The following SMARCA4 variants were observed in gnomAD, a reference collection of about 807,000 sequenced individuals.
SMARCA4 encodes the protein SWI/SNF-related matrix-associated actin-dependent regulator of chromatin subfamily A member 4.
SMARCA4 carries 31 observed loss-of-function variants against 193.9 expected under a neutral mutation model. The ratio of observed to expected loss-of-function variants is 0.16; its 90% CI spans 0.12 to 0.22. The LOEUF (loss-of-function observed/expected upper bound fraction) is 0.22. SMARCA4 is among the 10% of genes least tolerant of loss of function. The pLI, the probability that SMARCA4 is intolerant of heterozygous loss-of-function variation, is 1.00. For synonymous variants in SMARCA4, 942 were observed against 933.1 expected (o/e 1.01, Z -0.17); for missense variants, 1,148 against 2,296.0 (o/e 0.50, Z 10.22).
At chr19:10,967,660 A>C (rs2084330731) in intron 1 of SMARCA4, among the ~76,000 whole-genome samples, 1 of 147,978 alleles carries the variant, frequency 6.8e-6, no homozygotes, top group African/African-American at 2.5e-5. Context: ...GGTGGAAACC[A>C]ACCCTGGCCC....
At chr19:10,970,927 G>A (rs1599825755) in intron 1 of SMARCA4, among the ~76,000 whole-genome samples, 2 of 152,272 alleles carry the variant, frequency 1.3e-5, no homozygotes, top group African/African-American at 2.4e-5. Flanking sequence ...GGCCAGGCAC[G>A]GTGGCTCACG....
At chr19:10,993,186 C>G (rs1300863743) in intron 8 of SMARCA4, among the ~76,000 whole-genome samples, 2 of 151,256 alleles carry the variant, frequency 1.3e-5, no homozygotes, top group Non-Finnish European at 2.9e-5. Context: ...GGGATTCACC[C>G]TGTTGGCCAG....
At chr19:11,027,287 G>A (rs775628928) in intron 23 of SMARCA4, among the ~76,000 whole-genome samples, 5 of 152,144 alleles carry the variant, frequency 3.3e-5, no homozygotes, top group African/African-American at 1.2e-4. Flanking sequence ...GCCATATCAC[G>A]TCGTCCCCCT....
At chr19:11,057,977 C>G (rs1411905680) in intron 30 of SMARCA4, among the ~76,000 whole-genome samples, 1 of 151,680 alleles carries the variant, frequency 6.6e-6, no homozygotes, top group Non-Finnish European at 1.5e-5. Context: ...TGGTGCACGA[C>G]TGTAAAAAAT....
intron 30 of SMARCA4, among the ~76,000 whole-genome samples, chr19:11,052,616 A>G (rs1406769942): frequency 6.6e-6 from 1 of 152,220 alleles, no homozygotes; most frequent in African/African-American, 2.4e-5. Flanking sequence ...CTGCCTCTTC[A>G]GAAAGGACTT....
intron 30 of SMARCA4, among the ~76,000 whole-genome samples, chr19:11,044,124 A>AG (rs2075768525): frequency 6.6e-6 from 1 of 152,220 alleles, no homozygotes; most frequent in Non-Finnish European, 1.5e-5. Context: ...CAGTGGGGAA[A>AG]GCACGGGTGT....
chr19:10,974,566 T>G (rs2145577876), intron 1 of SMARCA4, among the ~76,000 whole-genome samples: 1 of 147,694 alleles, frequency 6.8e-6, no homozygotes, highest in South Asian at 2.1e-4. Context: ...ATGGAAAGGG[T>G]AAGTTCCTCA....
chr19:10,992,612 G>T (rs1198382431), intron 8 of SMARCA4, among the ~76,000 whole-genome samples: 1 of 151,652 alleles, frequency 6.6e-6, no homozygotes, highest in East Asian at 1.9e-4. Flanking sequence ...TTTTGAGACA[G>T]AGTTTCACTC....
At chr19:11,061,486 C>T (rs2076893469) in intron 34 of SMARCA4, among the ~76,000 whole-genome samples, 1 of 152,068 alleles carries the variant, frequency 6.6e-6, no homozygotes, top group African/African-American at 2.4e-5. Context: ...CGCCATTCTC[C>T]TGCCTCAGCC....
rs776533486 is a variant in SMARCA4, at chr19:11,030,584, G to T, written c.3383-146G>T. 1.4e-6 allele frequency: 1 copy of T among 713,756 alleles called. No individual in the cohort carries two copies. The highest frequency in any genetic ancestry group is 2.4e-6 in the Non-Finnish European group (1 of 409,848). 44.2% of individuals were successfully genotyped at this position (713,756 alleles called of 1,614,324 possible). A position where few individuals can be genotyped will look rare whatever the true frequency, so the allele number is the denominator to read the frequency against. On this transcript the variant is annotated intron_variant, in intron 24 of 34. Coordinates refer to ENST00000344626, the MANE Select transcript of SMARCA4 (RefSeq NM_003072.5). The surrounding 1 kb of genome is among the most constrained non-coding windows in gnomAD (Gnocchi z 5.5). ...CCAGTTATTCGCCAGTGGCCCACAG[G>T]CCCGTGTGGAGAGTGCGGAGCCAGG...
rs1016614250 is a variant in SMARCA4 at position 11,004,998 on chromosome 19, A to T, written c.2001+1601A>T. ...AGGTGCATGCCACCAAACCCGGCTA[A>T]TTTTTTTTTGTATTTTTAGTAGAGA... On this transcript the variant is annotated intron_variant, in intron 13 of 34. Coordinates refer to ENST00000344626, the MANE Select transcript of SMARCA4 (RefSeq NM_003072.5). 5.3e-5 allele frequency among the ~76,000 whole-genome samples: 8 copies of T among 150,838 alleles called. No homozygotes were observed. In the South Asian group the frequency reaches 1.7e-3, roughly 32 times the overall value.
Position 10,984,115 on chromosome 19 carries a change from T to C in SMARCA4, c.-31-6T>C, listed in dbSNP as rs1599927664. ...GAACCCCAGACTGACCAGGACTGTCTTCCAGCAGGAGGCCACTGTCTGCAG... is the reference window on the plus strand; with the variant it reads ...GAACCCCAGACTGACCAGGACTGTCCTCCAGCAGGAGGCCACTGTCTGCAG... On this transcript the variant is annotated splice_region_variant and splice_polypyrimidine_tract_variant and intron_variant, in intron 1 of 34. Transcript: ENST00000344626. The surrounding 1 kb of genome is among the most constrained non-coding windows in gnomAD (Gnocchi z 4.3). 5.6e-6 allele frequency: 9 copies of C among 1,613,142 alleles called. No homozygotes were observed. The highest frequency in any genetic ancestry group is 5.9e-6 in the Non-Finnish European group (7 of 1,179,744).
chr19:10,992,870 C>T (rs1049456154), intron 8 of SMARCA4, among the ~76,000 whole-genome samples: 3 of 151,858 alleles, frequency 2.0e-5, no homozygotes, highest in East Asian at 1.9e-4. Context: ...GGATTACAGA[C>T]GTGAGCCACT....
intron 15 of SMARCA4, 69 bp downstream of exon 15, chr19:11,010,600 G>T (rs900935615): frequency 6.7e-7 from 1 of 1,488,514 alleles, no homozygotes; most frequent in Non-Finnish European, 9.3e-7. Context: ...GGTGGTGCGG[G>T]CTTCAGACCT....
Position 11,019,479 on chromosome 19 carries a change from G to A in SMARCA4, c.2506-112G>A, listed in dbSNP as rs913935513. ...GCCCCTTTCCCCACTACCCCTGTGA[G>A]GACGAGCCCTCCCGCCGTGTCACTG... On this transcript the variant is annotated intron_variant, in intron 17 of 34. Transcript: ENST00000344626. The surrounding 1 kb of genome is among the most constrained non-coding windows in gnomAD (Gnocchi z 6.1). The A allele has an allele frequency of 1.4e-6, 1 of 717,588 alleles. No homozygotes were observed. The highest frequency in any genetic ancestry group is 2.5e-6 in the Non-Finnish European group (1 of 399,900). The allele number at this position is 717,588 out of a possible 1,614,324, so 44.5% of individuals were successfully genotyped here. A position where few individuals can be genotyped will look rare whatever the true frequency, so the allele number is the denominator to read the frequency against.
At chr19:11,045,103 G>A (rs1412887432) in intron 30 of SMARCA4, among the ~76,000 whole-genome samples, 1 of 151,984 alleles carries the variant, frequency 6.6e-6, no homozygotes, top group African/African-American at 2.4e-5. Context: ...GGCGGATCAC[G>A]AGGTCAGGAG....
intron 30 of SMARCA4, among the ~76,000 whole-genome samples, chr19:11,053,403 G>T (rs1328042935): frequency 1.4e-5 from 2 of 142,582 alleles, no homozygotes; most frequent in East Asian, 4.1e-4. Context: ...AGTAAGCCAA[G>T]ATTGCACCAC....
At position 11,061,825 on chromosome 19, in the gene SMARCA4, A is replaced by G. The variant is rs369766168; in HGVS notation, c.*9A>G. 14 of 1,613,800 alleles carry G rather than the reference A, an allele frequency of 8.7e-6. No individual in the cohort carries two copies. Among genetic ancestry groups the G allele is most frequent in the Non-Finnish European group, 1.2e-5 (14 of 1,179,858 alleles). On this transcript the variant is annotated 3_prime_UTR_variant, in exon 35 of 35. Transcript: ENST00000344626. Reference sequence around the variant, plus strand: ...GCAGCGAAGAAGACTGAGCCCCGACATTCCAGTCTCGACCCCGAGCCCCTC... The same window carrying G: ...GCAGCGAAGAAGACTGAGCCCCGACGTTCCAGTCTCGACCCCGAGCCCCTC...
In SMARCA4 at chr19:11,058,544, G is replaced by C. The variant is rs2076676845; in HGVS notation, c.4533+181G>C. Among the ~76,000 whole-genome samples the C allele has an allele frequency of 6.6e-6, 1 of 152,144 alleles. No individual in the cohort carries two copies. Among genetic ancestry groups the C allele is most frequent in the South Asian group, 2.1e-4 (1 of 4,830 alleles). On this transcript the variant is annotated intron_variant, in intron 31 of 34. Transcript: ENST00000344626. This position sits in a 1 kb window ranked among gnomAD's most constrained non-coding sequence, Gnocchi z 5.8. ...TTGGGGTTCCTTGTAAGGGTTGGGGGTGTCCTGAGGGATGTCAGTGGGCAG... is the reference window on the plus strand; with the variant it reads ...TTGGGGTTCCTTGTAAGGGTTGGGGCTGTCCTGAGGGATGTCAGTGGGCAG...
Sources: allele counts gnomAD v4.1 joint callset (sites outside exome capture counted in the v4.1 genomes callset), GRCh38; gene constraint gnomAD v4.1.1; non-coding constraint Gnocchi (gnomAD v3.1); transcripts MANE v1.5; gene names NCBI Gene and HGNC (gene_info 2026-07-23, HGNC 2026-07-21).